DIS3L2: variants seen among roughly 807,000 people sequenced by gnomAD.
DIS3L2 encodes DIS3-like exonuclease 2.
Under a neutral mutation model 97.5 loss-of-function variants are expected in DIS3L2, and 34 were observed. The observed-to-expected ratio is 0.35, with a 90% CI of 0.27 to 0.46. The LOEUF is 0.46. Ranked by LOEUF, DIS3L2 falls within the 20% of genes least tolerant of loss-of-function variation. The probability of loss-of-function intolerance (pLI) is 1.00; values close to 1 mark genes in which losing one functional copy is unlikely to be tolerated. For missense variants in DIS3L2, 1,038 were observed against 1,146.0 expected (o/e 0.91, Z 1.36); for synonymous variants, 435 against 445.2 (o/e 0.98, Z 0.29).
In DIS3L2 at chr2:232,136,467, T is replaced by G; in HGVS notation, c.703-5T>G. 1.2e-6 allele frequency: 2 copies of G among 1,613,800 alleles called. No individual in the cohort carries two copies. The highest frequency in any genetic ancestry group is 1.7e-6 in the Non-Finnish European group (2 of 1,179,774). ...CAACATTGACTATATCTTTGGTGTTTTTAGGTGGTTTACATCTTGGAGAAA... is the reference window on the plus strand; with the variant it reads ...CAACATTGACTATATCTTTGGTGTTGTTAGGTGGTTTACATCTTGGAGAAA... On this transcript the variant is annotated splice_region_variant and splice_polypyrimidine_tract_variant and intron_variant, in intron 7 of 20. Transcript: ENST00000325385.
chr2:232,052,951 C>T (rs750619991), intron 5 of DIS3L2, among the ~76,000 whole-genome samples: 12 of 152,124 alleles, frequency 7.9e-5, no homozygotes, highest in East Asian at 7.7e-4. Context: ...TGGCAAGTGC[C>T]GTTTGTTGTT....
chr2:232,333,120 CTCG>C (rs1264128310), intron 16 of DIS3L2, among the ~76,000 whole-genome samples: 1 of 151,468 alleles, frequency 6.6e-6, no homozygotes, highest in Admixed American at 6.6e-5. Context: ...CATTGTCCTC[CTCG>C]ACCACCACCA....
intron 1 of DIS3L2, among the ~76,000 whole-genome samples, chr2:231,992,767 C>CT (rs1693618746): frequency 6.6e-6 from 1 of 152,110 alleles, no homozygotes; most frequent in African/African-American, 2.4e-5. Context: ...TTTTCTTTCT[C>CT]TTTTCCCTGC....
At chr2:232,194,095 G>C (rs1691685149) in intron 9 of DIS3L2, among the ~76,000 whole-genome samples, 1 of 151,984 alleles carries the variant, frequency 6.6e-6, no homozygotes, top group Non-Finnish European at 1.5e-5. Flanking sequence ...GGGTGACAGA[G>C]TAAGACTCTG....
intron 9 of DIS3L2, among the ~76,000 whole-genome samples, chr2:232,208,182 G>A (rs6733924): frequency 0.012 from 1,785 of 151,932 alleles, 38 homozygotes; most frequent in African/African-American, 0.04. Context: ...TGCTGCCCCC[G>A]CACAAGCGTA....
intron 10 of DIS3L2, among the ~76,000 whole-genome samples, chr2:232,218,236 G>A (rs773651815): frequency 2.6e-5 from 4 of 152,226 alleles, no homozygotes; most frequent in South Asian, 2.1e-4. Flanking sequence ...GAGGAACCGC[G>A]GATGAACACG....
At position 232,156,644 on chromosome 2, in the gene DIS3L2, T is replaced by C. The variant is rs563067585; in HGVS notation, c.951-6815T>C. On this transcript the variant is annotated intron_variant, in intron 8 of 20. Transcript: ENST00000325385. ...GTCTAAGTTTTTAGCCCCTTTTCTA[T>C]TTTAGGCATAAGACAATCATTTAGG... 2.0e-5 allele frequency among the ~76,000 whole-genome samples: 3 copies of C among 152,310 alleles called. No homozygotes were observed. In the East Asian group the frequency reaches 5.8e-4, roughly 29 times the overall value.
At chr2:232,242,416 A>G (rs887918135) in intron 11 of DIS3L2, among the ~76,000 whole-genome samples, 3 of 152,142 alleles carry the variant, frequency 2.0e-5, no homozygotes, top group African/African-American at 4.8e-5. Context: ...AGGCCCTGCA[A>G]CCTCTCCAGG....
chr2:232,051,816 A>C (rs1486619781), intron 5 of DIS3L2, among the ~76,000 whole-genome samples: 2 of 143,074 alleles, frequency 1.4e-5, no homozygotes, highest in Admixed American at 1.4e-4. Flanking sequence ...CGTCTCAAAA[A>C]AAAAAAAAAA....
At chr2:232,096,022 T>C (rs930740015) in intron 6 of DIS3L2, among the ~76,000 whole-genome samples, 2 of 151,818 alleles carry the variant, frequency 1.3e-5, no homozygotes, top group African/African-American at 4.8e-5. Context: ...TTTTTCTGCT[T>C]TTAGGATCCT....
intron 1 of DIS3L2, among the ~76,000 whole-genome samples, chr2:232,011,860 A>T (rs887811554): frequency 2.0e-5 from 3 of 151,200 alleles, no homozygotes; most frequent in Non-Finnish European, 4.4e-5. Context: ...CATGTTGCCC[A>T]GTCTGGTCTT....
At chr2:232,176,256 A>C (rs1439509298) in intron 9 of DIS3L2, among the ~76,000 whole-genome samples, 2 of 152,144 alleles carry the variant, frequency 1.3e-5, no homozygotes, top group African/African-American at 4.8e-5. Context: ...TGTTATTAGT[A>C]TTCCCTTATA....
chr2:232,115,893 G>A (rs772517108), intron 6 of DIS3L2, among the ~76,000 whole-genome samples: 10 of 152,194 alleles, frequency 6.6e-5, no homozygotes, highest in Admixed American at 2.0e-4. Context: ...AGGCTGGCGC[G>A]GTGGCTCACA....
chr2:232,201,521 G>T (rs1574942345), intron 9 of DIS3L2, among the ~76,000 whole-genome samples: 4 of 152,336 alleles, frequency 2.6e-5, no homozygotes, highest in Admixed American at 2.6e-4. Flanking sequence ...CAAGAAACAG[G>T]CTAAAGAGAC....
At chr2:232,231,735 C>T (rs115217578) in intron 10 of DIS3L2, among the ~76,000 whole-genome samples, 503 of 152,344 alleles carry the variant, frequency 3.3e-3, no homozygotes, top group South Asian at 7.0e-3. Context: ...CAGCCCAGAG[C>T]AGCAGGGCGC....
intron 14 of DIS3L2, among the ~76,000 whole-genome samples, chr2:232,318,325 G>A (rs1325789750): frequency 6.6e-6 from 1 of 152,260 alleles, no homozygotes; most frequent in African/African-American, 2.4e-5. Context: ...GCGCTGAGAA[G>A]TCTGCCCACA....
At chr2:232,313,345 G>C (rs1695184985) in intron 14 of DIS3L2, among the ~76,000 whole-genome samples, 1 of 152,132 alleles carries the variant, frequency 6.6e-6, no homozygotes. Context: ...AATGATATCT[G>C]ATTTTTTATT....
In DIS3L2 at chr2:231,984,450, G is replaced by A. The variant is rs1693353723; in HGVS notation, c.-94+22685G>A. Among the ~76,000 whole-genome samples, 7 of 146,402 alleles carry A rather than the reference G, an allele frequency of 4.8e-5. No individual in the cohort carries two copies. The South Asian group carries it at 1.5e-3, about 32-fold the overall frequency. On this transcript the variant is annotated intron_variant, in intron 1 of 20. Coordinates refer to ENST00000325385, the MANE Select transcript of DIS3L2 (RefSeq NM_152383.5). ...CGCCCAGGCTGGAGTGCAGTGGCGCGATCTCGGCTCACTGCAAGCTCCGCC... is the reference window on the plus strand; with the variant it reads ...CGCCCAGGCTGGAGTGCAGTGGCGCAATCTCGGCTCACTGCAAGCTCCGCC...
chr2:232,277,055 G>A (rs1330641264), intron 13 of DIS3L2, among the ~76,000 whole-genome samples: 1 of 152,194 alleles, frequency 6.6e-6, no homozygotes, highest in Non-Finnish European at 1.5e-5. Context: ...ACTTCCAGTC[G>A]ATCTGGGAGG....
Sources: allele counts gnomAD v4.1 joint callset (sites outside exome capture counted in the v4.1 genomes callset), GRCh38; gene constraint gnomAD v4.1.1; transcripts MANE v1.5; gene names NCBI Gene and HGNC (gene_info 2026-07-23, HGNC 2026-07-21).